MARS2: variants seen among roughly 807,000 people sequenced by gnomAD.
MARS2 encodes the protein methionine--tRNA ligase, mitochondrial.
A neutral mutation model predicts 43.8 loss-of-function variants in MARS2; 33 were observed. The observed-to-expected ratio is 0.75, with a 90% confidence interval of 0.57 to 1.01. MARS2 has a LOEUF of 1.01. Ranked by LOEUF, MARS2 falls within the 50% of genes least tolerant of loss-of-function variation. The pLI, the probability that MARS2 is intolerant of heterozygous loss-of-function variation, is 0.00. For missense variants in MARS2, 720 were observed against 763.0 expected (o/e 0.94, Z 0.66); for synonymous variants, 351 against 325.5 (o/e 1.08, Z -0.84).
rs1440690563 is a variant in MARS2 at position 197,706,135 on chromosome 2, C to A, written c.730C>A (p.Gln244Lys). 2 of 1,614,158 alleles carry A rather than the reference C, an allele frequency of 1.2e-6. No homozygotes were observed. The highest frequency in any genetic ancestry group is 1.7e-5 in the Admixed American group (1 of 60,034). ...TPEPFHHVVL[Q>K]WLDEELPDLS... Reference sequence around the variant, plus strand: ...CGAACCATTTCATCACGTAGTTCTTCAGTGGCTGGACGAGGAGCTGCCCGA... The same window carrying A: ...CGAACCATTTCATCACGTAGTTCTTAAGTGGCTGGACGAGGAGCTGCCCGA... Residue 244 changes from glutamine to lysine, a missense_variant, in exon 1 of 1, where the codon CAG becomes AAG. Physicochemically the swap from Gln to Lys is moderately conservative, Grantham distance 53 (BLOSUM62 1). Transcript: ENST00000282276.
Position 197,705,582 on chromosome 2 carries a change from C to T in MARS2, c.177C>T (p.His59=). Residue 59 remains histidine, a synonymous_variant, in exon 1 of 1, where the codon CAC becomes CAT. Coordinates refer to ENST00000282276, the MANE Select transcript of MARS2 (RefSeq NM_138395.4). The part of the protein sequence containing the change: ...TPIFYVNAAP[H]IGHLYSALLA... ...TTTTCTACGTGAACGCGGCGCCGCA[C>T]ATCGGGCACCTGTACTCGGCACTAC... 4 of 1,613,246 alleles carry T rather than the reference C, an allele frequency of 2.5e-6. No individual in the cohort carries two copies. In the South Asian group the frequency reaches 3.3e-5, roughly 13 times the overall value.
In MARS2 at chr2:197,705,400, T is replaced by C. The variant is rs746270635; in HGVS notation, c.-6T>C. The C allele has an allele frequency of 8.7e-6, 14 of 1,604,972 alleles. No homozygotes were observed. The highest frequency in any genetic ancestry group is 1.0e-5 in the Non-Finnish European group (12 of 1,175,968). The stretch of plus-strand genomic sequence containing the variant: ...CCGCCTCCTCCGCTTGCGGCCGGTC[T>C]GCACCATGCTGCGAACGTCCGTCCT... On this transcript the variant is annotated 5_prime_UTR_variant, in exon 1 of 1. Transcript: ENST00000282276.
At position 197,705,501 on chromosome 2, in the gene MARS2, C is replaced by G. The variant is rs375008266; in HGVS notation, c.96C>G (p.Gly32=). 1.2e-5 allele frequency: 19 copies of G among 1,613,074 alleles called. No individual in the cohort carries two copies. The highest frequency in any genetic ancestry group is 1.4e-5 in the Non-Finnish European group (16 of 1,180,004). ...EDFGPRYYSS[G]SLSAGDDACD... is the part of the protein sequence containing the mutation. The stretch of plus-strand genomic sequence containing the variant: ...TCGGCCCACGCTACTACAGTTCGGG[C>G]TCCCTCAGTGCCGGCGATGATGCTT... Residue 32 remains glycine (G), a synonymous_variant, in exon 1 of 1, where the codon GGC becomes GGG. Transcript: ENST00000282276.
At position 197,707,110 on chromosome 2, in the gene MARS2, C is replaced by T. The variant is rs2089483157; in HGVS notation, c.1705C>T (p.Leu569=). Residue 569 remains leucine (L), a synonymous_variant, in exon 1 of 1, where the codon CTG becomes TTG. Transcript: ENST00000282276. The part of the protein sequence containing the change: ...GHPCPFEGRR[L]GPETGLLFPR... ...TCCATGCCCTTTTGAAGGGAGGAGG[C>T]TGGGACCTGAAACTGGGCTTTTGTT... 4 of 1,614,192 alleles carry T rather than the reference C, an allele frequency of 2.5e-6. No individual in the cohort carries two copies. The highest frequency in any genetic ancestry group is 3.4e-6 in the Non-Finnish European group (4 of 1,180,034).
chr2:197,706,054 C>G lies in MARS2; in HGVS notation c.649C>G (p.Gln217Glu). The change falls in exon 1 of 1, where the codon CAG (glutamine) becomes GAG (glutamate). Residue 217 changes from glutamine to glutamate, a missense_variant. Coordinates refer to ENST00000282276, the MANE Select transcript of MARS2 (RefSeq NM_138395.4). ...AGAAAACTACATTTTCAGGCTTTCC[C>G]AGTTCCGGAAGCCACTCCAGCGGTG... is the stretch of plus-strand genomic sequence containing the variant. ...KEENYIFRLSQFRKPLQRWLR... is the reference protein window; with the variant it reads ...KEENYIFRLSEFRKPLQRWLR... 1.9e-6 allele frequency: 3 copies of G among 1,614,106 alleles called. No homozygotes were observed. Among genetic ancestry groups the G allele is most frequent in the Non-Finnish European group, 2.5e-6 (3 of 1,180,036 alleles).
In MARS2 at chr2:197,705,626, G is replaced by T. The variant is rs2089467998; in HGVS notation, c.221G>T (p.Arg74Leu). The part of the protein sequence containing the change: ...YSALLADALC[R>L]HRRLRGPSTA... Reference sequence around the variant, plus strand: ...GCACTACTGGCGGACGCCCTATGCCGCCACCGTCGCCTCCGAGGTCCCAGC... The same window carrying T: ...GCACTACTGGCGGACGCCCTATGCCTCCACCGTCGCCTCCGAGGTCCCAGC... Residue 74 changes from arginine to leucine, a missense_variant, in exon 1 of 1, where the codon CGC becomes CTC. Transcript: ENST00000282276. 5.6e-6 allele frequency: 9 copies of T among 1,611,406 alleles called. No individual in the cohort carries two copies. The South Asian group carries it at 6.6e-5, about 12-fold the overall frequency.
rs538491050 is a variant in MARS2 at position 197,705,404 on chromosome 2, C to T, written c.-2C>T. On this transcript the variant is annotated 5_prime_UTR_variant, in exon 1 of 1. Coordinates refer to ENST00000282276, the MANE Select transcript of MARS2 (RefSeq NM_138395.4). ...CTCCTCCGCTTGCGGCCGGTCTGCA[C>T]CATGCTGCGAACGTCCGTCCTCCGC... 1.2e-6 allele frequency: 2 copies of T among 1,606,992 alleles called. No homozygotes were observed. The highest frequency in any genetic ancestry group is 2.2e-5 in the East Asian group (1 of 44,848).
In MARS2 at chr2:197,706,671, A is replaced by G. The variant is rs142085548; in HGVS notation, c.1266A>G (p.Pro422=). 2.0e-5 allele frequency: 32 copies of G among 1,614,068 alleles called. No homozygotes were observed. The African/African-American group carries it at 3.9e-4, about 20-fold the overall frequency. Residue 422 remains proline (P), a synonymous_variant, in exon 1 of 1, where the codon CCA becomes CCG. Coordinates refer to ENST00000282276, the MANE Select transcript of MARS2 (RefSeq NM_138395.4). ...GAATAAATCCTTCTGAGACCTACCC[A>G]GCCTTCTGCACTACCTGCTTCCCTA... The part of the protein sequence containing the change: ...AKRINPSETY[P]AFCTTCFPSE...
rs1170354011 is a variant in MARS2, at chr2:197,707,735, G to C, written c.*548G>C. 1.8e-5 allele frequency: 3 copies of C among 168,616 alleles called. No homozygotes were observed. Among genetic ancestry groups the C allele is most frequent in the Non-Finnish European group, 4.3e-5 (3 of 69,194 alleles). 10.4% of individuals were successfully genotyped at this position (168,616 alleles called of 1,614,324 possible). On this transcript the variant is annotated 3_prime_UTR_variant, in exon 1 of 1. Coordinates refer to ENST00000282276, the MANE Select transcript of MARS2 (RefSeq NM_138395.4). ...TCCCCATTTAAATTCCTACAACTAA[G>C]TCTCCCTGCTTTGTTAATAGTCCAA...
Position 197,706,452 on chromosome 2 carries a change from C to G in MARS2, c.1047C>G (p.Ser349=). The G allele has an allele frequency of 6.2e-7, 1 of 1,613,882 alleles. No individual in the cohort carries two copies. The highest frequency in any genetic ancestry group is 8.5e-7 in the Non-Finnish European group (1 of 1,180,050). The change falls in exon 1 of 1, where the codon TCC becomes TCG. Residue 349 remains serine (S), a synonymous_variant. Transcript: ENST00000282276. The stretch of plus-strand genomic sequence containing the variant: ...GGACAGTCTGTGGCCAAAAGATGTC[C>G]AAGAGCTTGGGCAACGTGGTGGATC... ...SHWTVCGQKM[S]KSLGNVVDPR... is the part of the protein sequence containing the mutation.
Position 197,705,397 on chromosome 2 carries a change from G to C in MARS2, c.-9G>C, listed in dbSNP as rs747105602. Reference sequence around the variant, plus strand: ...ACGCCGCCTCCTCCGCTTGCGGCCGGTCTGCACCATGCTGCGAACGTCCGT... The same window carrying C: ...ACGCCGCCTCCTCCGCTTGCGGCCGCTCTGCACCATGCTGCGAACGTCCGT... On this transcript the variant is annotated 5_prime_UTR_variant, in exon 1 of 1. Transcript: ENST00000282276. 2.4e-5 allele frequency: 38 copies of C among 1,603,926 alleles called. No individual in the cohort carries two copies. The highest frequency in any genetic ancestry group is 2.2e-4 in the Admixed American group (13 of 59,462).
rs958294993 is a variant in MARS2 at position 197,707,806 on chromosome 2, A to G, written c.*619A>G. ...ACACTTCAACCGGTAGATGGCTCTA[A>G]TCTCACACATTTACTTACTAAAGAT... is the stretch of plus-strand genomic sequence containing the variant. On this transcript the variant is annotated 3_prime_UTR_variant, in exon 1 of 1. Transcript: ENST00000282276. The G allele has an allele frequency of 6.0e-6, 1 of 167,276 alleles. No homozygotes were observed. Among genetic ancestry groups the G allele is most frequent in the African/African-American group, 2.4e-5 (1 of 41,458 alleles). The allele number at this position is 167,276 out of a possible 1,614,324, so 10.4% of individuals were successfully genotyped here.
In MARS2 at chr2:197,707,041, A is replaced by G. The variant is rs1280184494; in HGVS notation, c.1636A>G (p.Arg546Gly). ...LSRLGVSASE[R>G]SLGELYFLPR... ...TAGGCTGGGGGTCTCTGCCTCAGAGAGGAGTCTTGGAGAGCTCTATTTCTT... is the reference window on the plus strand; with the variant it reads ...TAGGCTGGGGGTCTCTGCCTCAGAGGGGAGTCTTGGAGAGCTCTATTTCTT... The change falls in exon 1 of 1, where the codon AGG becomes GGG. Residue 546 changes from arginine to glycine, a missense_variant. Physicochemically the swap from Arg to Gly is moderately radical, Grantham distance 125. Coordinates refer to ENST00000282276, the MANE Select transcript of MARS2 (RefSeq NM_138395.4). 1 of 1,614,012 alleles carries G rather than the reference A, an allele frequency of 6.2e-7. No homozygotes were observed. The highest frequency in any genetic ancestry group is 1.3e-5 in the African/African-American group (1 of 74,906).
chr2:197,706,799 A>G lies in MARS2; in HGVS notation c.1394A>G (p.Asp465Gly), dbSNP rs1156370664. The stretch of plus-strand genomic sequence containing the variant: ...CCAAAGCAGGTAGCAGACCACTATG[A>G]TAACTTTCGGATATATAAGGCTCTG... ...TLPKQVADHYDNFRIYKALEA... is the reference protein window; with the variant it reads ...TLPKQVADHYGNFRIYKALEA... Residue 465 changes from aspartate to glycine, a missense_variant, in exon 1 of 1, where the codon GAT becomes GGT. Transcript: ENST00000282276. The G allele has an allele frequency of 1.2e-6, 2 of 1,614,132 alleles. No homozygotes were observed. The highest frequency in any genetic ancestry group is 1.7e-6 in the Non-Finnish European group (2 of 1,180,040).
rs1318698189 is a variant in MARS2 at position 197,706,639 on chromosome 2, G to A, written c.1234G>A (p.Ala412Thr). ...GGGAGGTCTCTTGAACCGATGCACT[G>A]CCAAAAGAATAAATCCTTCTGAGAC... is the stretch of plus-strand genomic sequence containing the variant. ...ALGGLLNRCT[A>T]KRINPSETYP... The change falls in exon 1 of 1, where the codon GCC becomes ACC. Residue 412 changes from alanine (A) to threonine (T), a missense_variant. Transcript: ENST00000282276. The A allele has an allele frequency of 2.5e-6, 4 of 1,614,076 alleles. No individual in the cohort carries two copies. Among genetic ancestry groups the A allele is most frequent in the Non-Finnish European group, 3.4e-6 (4 of 1,180,042 alleles).
At position 197,705,393 on chromosome 2, in the gene MARS2, GC is replaced by G. The variant is rs1342992736; in HGVS notation, c.-11del. 2 of 1,567,266 alleles carry G rather than the reference GC, an allele frequency of 1.3e-6. No individual in the cohort carries two copies. Among genetic ancestry groups the G allele is most frequent in the Non-Finnish European group, 1.7e-6 (2 of 1,154,380 alleles). ...CAGAACGCCGCCTCCTCCGCTTGCG[GC>G]CGGTCTGCACCATGCTGCGAACGTC... is the stretch of plus-strand genomic sequence containing the variant. On this transcript the variant is annotated 5_prime_UTR_variant, in exon 1 of 1. Transcript: ENST00000282276.
chr2:197,705,726 C>G lies in MARS2; in HGVS notation c.321C>G (p.Gly107=), dbSNP rs1574775334. ...LKIQQAAATA[G]LAPTELCDRV... is the part of the protein sequence containing the mutation. ...TTCAGCAGGCAGCAGCTACCGCGGG[C>G]CTGGCCCCGACCGAGCTGTGCGACC... The change falls in exon 1 of 1, where the codon GGC becomes GGG. Residue 107 remains glycine, a synonymous_variant. Coordinates refer to ENST00000282276, the MANE Select transcript of MARS2 (RefSeq NM_138395.4). 1.9e-6 allele frequency: 3 copies of G among 1,611,852 alleles called. No individual in the cohort carries two copies. In the South Asian group the frequency reaches 3.3e-5, roughly 18 times the overall value.
rs761791613 is a variant in MARS2 at position 197,706,648 on chromosome 2, A to G, written c.1243A>G (p.Ile415Val). The G allele has an allele frequency of 1.2e-6, 2 of 1,614,206 alleles. No individual in the cohort carries two copies. Among genetic ancestry groups the G allele is most frequent in the Non-Finnish European group, 8.5e-7 (1 of 1,180,038 alleles). Residue 415 changes from isoleucine to valine, a missense_variant, in exon 1 of 1, where the codon ATA (isoleucine) becomes GTA (valine). Transcript: ENST00000282276. ...CTTGAACCGATGCACTGCCAAAAGA[A>G]TAAATCCTTCTGAGACCTACCCAGC... Reference protein sequence around the residue: ...GLLNRCTAKRINPSETYPAFC... With the variant: ...GLLNRCTAKRVNPSETYPAFC...
rs763108969 is a variant in MARS2 at position 197,705,813 on chromosome 2, C to G, written c.408C>G (p.Ile136Met). The G allele has an allele frequency of 3.7e-6, 6 of 1,613,636 alleles. No homozygotes were observed. The African/African-American group carries it at 6.7e-5, about 18-fold the overall frequency. The stretch of plus-strand genomic sequence containing the variant: ...CCGGTATCTCCTGCACAGATTTCAT[C>G]CGCACCACGGAGGCCCGGCACCGGG... The part of the protein sequence containing the change: ...QEAGISCTDF[I>M]RTTEARHRVA... Residue 136 changes from isoleucine to methionine, a missense_variant, in exon 1 of 1, where the codon ATC becomes ATG. Ile to Met is a conservative substitution (Grantham distance 10, BLOSUM62 1). Transcript: ENST00000282276.
Sources: allele counts gnomAD v4.1 joint callset, GRCh38; gene constraint gnomAD v4.1.1; transcripts MANE v1.5; gene names NCBI Gene and HGNC (gene_info 2026-07-23, HGNC 2026-07-21).